The following EGFR variants were observed in gnomAD, a reference collection of about 807,000 sequenced individuals.
EGFR encodes epidermal growth factor receptor.
A neutral mutation model predicts 143.0 loss-of-function variants in EGFR; 58 were observed. The ratio of observed to expected loss-of-function variants is 0.41; its 90% CI spans 0.33 to 0.50. EGFR has a LOEUF of 0.50. Ranked by LOEUF, EGFR falls within the 20% of genes least tolerant of loss-of-function variation. The pLI is 0.39. For missense variants in EGFR, 1,307 were observed against 1,579.0 expected (o/e 0.83, Z 2.92); for synonymous variants, 613 against 594.4 (o/e 1.03, Z -0.45).
At chr7:55,073,863 T>G (rs1001405530) in intron 1 of EGFR, among the ~76,000 whole-genome samples, 3 of 152,230 alleles carry the variant, frequency 2.0e-5, no homozygotes, top group Non-Finnish European at 1.5e-5. Flanking sequence ...TCTTCCAAGA[T>G]TTTGCATGTG....
chr7:55,186,425 G>A (rs1459995055), intron 20 of EGFR, among the ~76,000 whole-genome samples: 1 of 152,178 alleles, frequency 6.6e-6, no homozygotes, highest in Admixed American at 6.5e-5. Context: ...TGGCCCCAGG[G>A]TGGTGACTCA....
At chr7:55,149,408 G>T (rs2128931259) in intron 4 of EGFR, among the ~76,000 whole-genome samples, 1 of 151,970 alleles carries the variant, frequency 6.6e-6, no homozygotes, top group East Asian at 1.9e-4. Flanking sequence ...CACAAATATG[G>T]CCAAGAAATA....
At chr7:55,169,751 C>T (rs1361664949) in intron 15 of EGFR, among the ~76,000 whole-genome samples, 24 of 152,112 alleles carry the variant, frequency 1.6e-4, no homozygotes, top group Admixed American at 1.5e-3. Flanking sequence ...CAGCCCCGTC[C>T]TGCCACTGTC....
chr7:55,106,719 G>A (rs566038098), intron 1 of EGFR, among the ~76,000 whole-genome samples: 17 of 152,260 alleles, frequency 1.1e-4, no homozygotes, highest in African/African-American at 4.1e-4. Context: ...CTAAACTCTG[G>A]AAGTCTGATG....
chr7:55,040,343 C>A (rs1787830270), intron 1 of EGFR, among the ~76,000 whole-genome samples: 1 of 152,130 alleles, frequency 6.6e-6, no homozygotes, highest in Non-Finnish European at 1.5e-5. Flanking sequence ...AGACCTGCAG[C>A]TAAAGTCAAG....
At chr7:55,095,242 A>G (rs1791386543) in intron 1 of EGFR, among the ~76,000 whole-genome samples, 1 of 152,214 alleles carries the variant, frequency 6.6e-6, no homozygotes, top group Non-Finnish European at 1.5e-5. Context: ...CTGGCCCTCC[A>G]CCATGTGACA....
intron 1 of EGFR, among the ~76,000 whole-genome samples, chr7:55,062,814 A>C (rs1205309467): frequency 6.6e-6 from 1 of 152,018 alleles, no homozygotes; most frequent in East Asian, 1.9e-4. Context: ...TGAACTTGAA[A>C]ATGTGCTTTT....
At chr7:55,142,880 A>C (rs1318439898) in intron 2 of EGFR, among the ~76,000 whole-genome samples, 2 of 152,252 alleles carry the variant, frequency 1.3e-5, no homozygotes. Context: ...CATAGGAGCC[A>C]GCTCTGAAGG....
chr7:55,199,801 C>T (rs17290657), intron 23 of EGFR, among the ~76,000 whole-genome samples: 2,429 of 152,300 alleles, frequency 0.016, 70 homozygotes, highest in African/African-American at 0.057. Flanking sequence ...GCATGCATGC[C>T]CACCAGCCTT....
intron 7 of EGFR, among the ~76,000 whole-genome samples, chr7:55,155,330 C>T (rs185722186): frequency 2.0e-5 from 3 of 152,252 alleles, no homozygotes; most frequent in South Asian, 2.1e-4. Flanking sequence ...TAATCACAGC[C>T]GCTCAGGAGG....
intron 1 of EGFR, among the ~76,000 whole-genome samples, chr7:55,037,846 C>G (rs973315658): frequency 6.6e-6 from 1 of 152,160 alleles, no homozygotes; most frequent in Non-Finnish European, 1.5e-5. Flanking sequence ...TAACACCTTC[C>G]TCAGGAGATC....
chr7:55,165,330 C>T lies in EGFR; in HGVS notation c.1773C>T (p.Cys591=), dbSNP rs767304301. 6.8e-6 allele frequency: 11 copies of T among 1,614,160 alleles called. No individual in the cohort carries two copies. The highest frequency in any genetic ancestry group is 2.2e-5 in the East Asian group (1 of 44,894). Reference sequence around the variant, plus strand: ...CCCACTACATTGACGGCCCCCACTGCGTCAAGACCTGCCCGGCAGGAGTCA... The same window carrying T: ...CCCACTACATTGACGGCCCCCACTGTGTCAAGACCTGCCCGGCAGGAGTCA... ...QCAHYIDGPH[C]VKTCPAGVMG... is the part of the protein sequence containing the mutation. The change falls in exon 15 of 28, where the codon TGC becomes TGT. Residue 591 remains cysteine, a synonymous_variant. Transcript: ENST00000275493.
At chr7:55,125,083 C>T (rs1377156406) in intron 1 of EGFR, among the ~76,000 whole-genome samples, 2 of 152,208 alleles carry the variant, frequency 1.3e-5, no homozygotes, top group African/African-American at 4.8e-5. Flanking sequence ...CAGCAGGCTC[C>T]TGGGGATGTC....
chr7:55,160,283 T>G lies in EGFR; in HGVS notation c.1443T>G (p.Phe481Leu), dbSNP rs587778247. The G allele has an allele frequency of 1.9e-6, 3 of 1,613,926 alleles. No homozygotes were observed. The highest frequency in any genetic ancestry group is 2.7e-5 in the African/African-American group (2 of 74,946). ...YANTINWKKL[F>L]GTSGQKTKII... ...ATACAATAAACTGGAAAAAACTGTT[T>G]GGGACCTCCGGTCAGAAAACCAAAA... The change falls in exon 12 of 28, where the codon TTT (phenylalanine) becomes TTG (leucine). Residue 481 changes from phenylalanine to leucine, a missense_variant. Physicochemically the swap from Phe to Leu is conservative, Grantham distance 22. Around this residue, in one of 7 missense-constraint regions of EGFR, gnomAD observed 250 missense variants for 295.1 expected, o/e 0.85. Coordinates refer to ENST00000275493, the MANE Select transcript of EGFR (RefSeq NM_005228.5).
At chr7:55,084,826 C>T (rs771519076) in intron 1 of EGFR, among the ~76,000 whole-genome samples, 18 of 152,114 alleles carry the variant, frequency 1.2e-4, no homozygotes, top group Non-Finnish European at 2.4e-4. Context: ...ATTTTGCCTT[C>T]AGAGAAGTGG....
Position 55,096,186 on chromosome 7 carries a change from C to G in EGFR, c.89-46100C>G, listed in dbSNP as rs142495341. ...TCAGCACAAAAGCGTATCCCAGGCC[C>G]TCTGGCTCCAACTGCAGCCCTTTCT... is the stretch of plus-strand genomic sequence containing the variant. On this transcript the variant is annotated intron_variant, in intron 1 of 27. Coordinates refer to ENST00000275493, the MANE Select transcript of EGFR (RefSeq NM_005228.5). Among the ~76,000 whole-genome samples, 4 of 152,352 alleles carry G rather than the reference C, an allele frequency of 2.6e-5. No individual in the cohort carries two copies. In the East Asian group the frequency reaches 7.7e-4, roughly 29 times the overall value.
intron 1 of EGFR, among the ~76,000 whole-genome samples, chr7:55,069,360 C>T (rs77470512): frequency 1.2e-4 from 19 of 152,238 alleles, no homozygotes; most frequent in Admixed American, 2.0e-4. Flanking sequence ...TTGCTGCACA[C>T]GGGATATGTG....
Position 55,163,199 on chromosome 7 carries a change from G to C in EGFR, c.1632-534G>C, listed in dbSNP as rs113085483. 6.2e-4 allele frequency among the ~76,000 whole-genome samples: 94 copies of C among 152,340 alleles called. 1 individual carries two copies. Among genetic ancestry groups the C allele is most frequent in the Non-Finnish European group, 2.4e-4 (16 of 68,032 alleles). Reference sequence around the variant, plus strand: ...CTTACTGACAAACAGCCGTACATCTGTTCTGTCTTTTCAATCAAACATCAG... The same window carrying C: ...CTTACTGACAAACAGCCGTACATCTCTTCTGTCTTTTCAATCAAACATCAG... On this transcript the variant is annotated intron_variant, in intron 13 of 27. Transcript: ENST00000275493.
intron 27 of EGFR, among the ~76,000 whole-genome samples, chr7:55,204,302 GT>G (rs1788006177): frequency 9.6e-6 from 1 of 103,964 alleles, no homozygotes. Flanking sequence ...CACCACACAT[GT>G]ACACACGCCA....
Sources: gnomAD v4.1 joint callset for allele counts (sites outside exome capture counted in the v4.1 genomes callset) on GRCh38, gnomAD v4.1.1 for gene constraint, gnomAD v4.1.1 regional missense constraint, MANE v1.5 for transcripts, NCBI Gene and HGNC (gene_info 2026-07-23, HGNC 2026-07-21) for gene names.